MEOX2: variants seen among roughly 807,000 people sequenced by gnomAD.
MEOX2 encodes the protein homeobox protein MOX-2.
A neutral mutation model predicts 27.0 loss-of-function variants in MEOX2; 11 were observed. That is an observed-to-expected ratio of 0.41 (90% confidence interval 0.26 to 0.68). The LOEUF (loss-of-function observed/expected upper bound fraction) is 0.68. MEOX2 is among the 30% of genes least tolerant of loss of function. The pLI is 0.33. For synonymous variants in MEOX2, 189 were observed against 155.4 expected (o/e 1.22, Z -1.61); for missense variants, 436 against 385.4 (o/e 1.13, Z -1.10).
intron 1 of MEOX2, among the ~76,000 whole-genome samples, chr7:15,656,587 A>C (rs1415962319): frequency 6.6e-6 from 1 of 151,860 alleles, no homozygotes; most frequent in Non-Finnish European, 1.5e-5. Flanking sequence ...GTTTGAGTGA[A>C]GTGTAGAAAC....
intron 1 of MEOX2, among the ~76,000 whole-genome samples, chr7:15,649,151 A>G (rs1018445792): frequency 3.3e-5 from 5 of 152,104 alleles, no homozygotes; most frequent in African/African-American, 1.2e-4. Context: ...AATAATTTCC[A>G]TATCTTAAAC....
chr7:15,617,720 T>C (rs920798485), intron 2 of MEOX2, among the ~76,000 whole-genome samples: 1 of 152,086 alleles, frequency 6.6e-6, no homozygotes, highest in African/African-American at 2.4e-5. Flanking sequence ...AAGGCTTAAG[T>C]CCTGTTTACA....
intron 2 of MEOX2, among the ~76,000 whole-genome samples, chr7:15,624,179 C>A (rs1781261891): frequency 6.6e-6 from 1 of 152,066 alleles, no homozygotes; most frequent in Non-Finnish European, 1.5e-5. Context: ...CAATTAAATT[C>A]TTTTTGACTA....
chr7:15,625,946 TA>T (rs1202902348), intron 2 of MEOX2, among the ~76,000 whole-genome samples: 1 of 152,162 alleles, frequency 6.6e-6, no homozygotes, highest in Non-Finnish European at 1.5e-5. Flanking sequence ...TCTGAGTGGG[TA>T]GCAGAATTTT....
At chr7:15,677,078 T>G (rs1243610153) in intron 1 of MEOX2, among the ~76,000 whole-genome samples, 2 of 152,148 alleles carry the variant, frequency 1.3e-5, no homozygotes, top group Non-Finnish European at 2.9e-5. Flanking sequence ...TTCAGGGAAA[T>G]TTCATGCCGT....
intron 1 of MEOX2, among the ~76,000 whole-genome samples, chr7:15,665,194 A>G (rs548992351): frequency 6.6e-6 from 1 of 152,168 alleles, no homozygotes; most frequent in African/African-American, 2.4e-5. Context: ...AATATCATCA[A>G]ATCTGTGAAT....
chr7:15,684,689 T>C (rs912716987), intron 1 of MEOX2, among the ~76,000 whole-genome samples: 1 of 152,304 alleles, frequency 6.6e-6, no homozygotes, highest in African/African-American at 2.4e-5. Context: ...AACCAACATA[T>C]GGGATTACCT....
chr7:15,615,243 A>G (rs1781103842), intron 2 of MEOX2, among the ~76,000 whole-genome samples: 1 of 152,108 alleles, frequency 6.6e-6, no homozygotes, highest in South Asian at 2.1e-4. Context: ...GTTATAGATG[A>G]TAAAGTTGAG....
intron 1 of MEOX2, among the ~76,000 whole-genome samples, chr7:15,675,077 T>C (rs1418479002): frequency 6.6e-6 from 1 of 152,110 alleles, no homozygotes; most frequent in East Asian, 1.9e-4. Flanking sequence ...TAACAAAATT[T>C]ACTTGGATTA....
intron 1 of MEOX2, among the ~76,000 whole-genome samples, chr7:15,677,244 G>A (rs369258023): frequency 7.1e-4 from 108 of 152,294 alleles, no homozygotes; most frequent in African/African-American, 2.5e-3. Context: ...TACATTCATT[G>A]ATAGATGATA....
At chr7:15,617,096 A>G (rs1781136324) in intron 2 of MEOX2, among the ~76,000 whole-genome samples, 1 of 152,036 alleles carries the variant, frequency 6.6e-6, no homozygotes, top group African/African-American at 2.4e-5. Flanking sequence ...TTGAATCTAT[A>G]TAATGCAATA....
chr7:15,672,076 G>C (rs191865743), intron 1 of MEOX2, among the ~76,000 whole-genome samples: 2 of 151,572 alleles, frequency 1.3e-5, no homozygotes, highest in African/African-American at 4.9e-5. Context: ...CTGGGTGACA[G>C]AGCAAGACTC....
At chr7:15,632,348 T>C (rs944415563) in intron 1 of MEOX2, among the ~76,000 whole-genome samples, 1 of 151,884 alleles carries the variant, frequency 6.6e-6, no homozygotes, top group Admixed American at 6.6e-5. Context: ...GCCTGTTTAG[T>C]GAAGACCCTT....
chr7:15,681,160 A>C (rs1041358832), intron 1 of MEOX2: 2 of 151,956 alleles, frequency 1.3e-5, no homozygotes, highest in South Asian at 2.1e-4. Context: ...TATCGCTCAA[A>C]GATATTTGCA....
At chr7:15,659,396 G>A (rs79038878) in intron 1 of MEOX2, among the ~76,000 whole-genome samples, 3,727 of 152,166 alleles carry the variant, frequency 0.024, 154 homozygotes, top group African/African-American at 0.085. Flanking sequence ...CATATAAAAT[G>A]AAAATTTTAT....
At chr7:15,650,748 A>C (rs1781721486) in intron 1 of MEOX2, among the ~76,000 whole-genome samples, 1 of 152,070 alleles carries the variant, frequency 6.6e-6, no homozygotes, top group African/African-American at 2.4e-5. Flanking sequence ...TTGAATTATA[A>C]AAACAATTAA....
rs868607304 is a variant in MEOX2, at chr7:15,674,683, T to C, written c.517+11203A>G. Among the ~76,000 whole-genome samples the C allele has an allele frequency of 5.4e-4, 82 of 152,192 alleles. 1 individual carries two copies. The highest frequency in any genetic ancestry group is 2.0e-3 in the African/African-American group (82 of 41,536). ...ATTTAATTCTGTGTTTTGAGAGTCT[T>C]GTAAGAACTAAGGATCTGAAATAGA... On this transcript the variant is annotated intron_variant, in intron 1 of 2. Coordinates refer to ENST00000262041, the MANE Select transcript of MEOX2 (RefSeq NM_005924.5).
chr7:15,666,769 AAAAAAAAAAAATATATAT>A (rs1316149648), intron 1 of MEOX2, among the ~76,000 whole-genome samples: 64 of 81,254 alleles, frequency 7.9e-4, no homozygotes, highest in East Asian at 1.9e-3. Context: ...AAAAAAAAAA[AAAAAAAAAAAATATATAT>A]ATATATATAT....
At chr7:15,685,846 G>A (rs746685679) in intron 1 of MEOX2, 40 bp downstream of exon 1, 1 of 1,543,176 alleles carries the variant, frequency 6.5e-7, no homozygotes, top group African/African-American at 1.4e-5. Context: ...CCCTTTTCCA[G>A]CCCGGCGCGC....
Sources: allele counts gnomAD v4.1 joint callset (sites outside exome capture counted in the v4.1 genomes callset), GRCh38; gene constraint gnomAD v4.1.1; transcripts MANE v1.5; gene names NCBI Gene and HGNC (gene_info 2026-07-23, HGNC 2026-07-21).